KLF7: variants seen among roughly 807,000 people sequenced by gnomAD.
The protein encoded by KLF7 is KLF transcription factor 7.
Under a neutral mutation model 27.3 loss-of-function variants are expected in KLF7, and 2 were observed. That is an observed-to-expected ratio of 0.07 (90% CI 0.03 to 0.23). KLF7 has a LOEUF of 0.23. Among genes scored for constraint, KLF7 ranks in the 10% least tolerant of loss-of-function variants. The pLI is 1.00. For synonymous variants in KLF7, 165 were observed against 162.4 expected (o/e 1.02, Z -0.12); for missense variants, 221 against 394.1 (o/e 0.56, Z 3.72).
chr2:207,088,161 T>C (rs1243507633), intron 3 of KLF7, among the ~76,000 whole-genome samples: 1 of 152,212 alleles, frequency 6.6e-6, no homozygotes, highest in African/African-American at 2.4e-5. Flanking sequence ...CTTTTCATAT[T>C]ATACTAAAGT....
intron 1 of KLF7, among the ~76,000 whole-genome samples, chr2:207,131,241 T>C (rs1055486153): frequency 1.3e-5 from 2 of 152,216 alleles, no homozygotes; most frequent in African/African-American, 4.8e-5. Context: ...GAAAGAATGT[T>C]CACCTAAGTA....
chr2:207,144,936 C>A (rs770808487), intron 1 of KLF7, among the ~76,000 whole-genome samples: 2 of 152,150 alleles, frequency 1.3e-5, no homozygotes, highest in Non-Finnish European at 2.9e-5. Context: ...TCACACTTCC[C>A]AGAAAGGTTT....
chr2:207,162,093 A>G (rs1283017694), intron 1 of KLF7, among the ~76,000 whole-genome samples: 1 of 152,232 alleles, frequency 6.6e-6, no homozygotes, highest in Non-Finnish European at 1.5e-5. Context: ...TAAAAGTTCT[A>G]AAAGTCTTTG....
intron 1 of KLF7, among the ~76,000 whole-genome samples, chr2:207,134,870 C>T (rs780275358): frequency 3.3e-5 from 5 of 152,254 alleles, no homozygotes; most frequent in East Asian, 3.9e-4. Flanking sequence ...GTACCTACAA[C>T]GCAGAAGCAT....
intron 2 of KLF7, among the ~76,000 whole-genome samples, chr2:207,118,656 G>A (rs2077254506): frequency 1.3e-5 from 2 of 152,120 alleles, no homozygotes; most frequent in East Asian, 3.9e-4. Context: ...GACTTCTCTG[G>A]GTCTCATTTT....
chr2:207,096,667 C>CA (rs2076637338), intron 2 of KLF7, among the ~76,000 whole-genome samples: 1 of 152,142 alleles, frequency 6.6e-6, no homozygotes, highest in South Asian at 2.1e-4. Context: ...ACCCCACCCC[C>CA]AAACTTAATA....
intron 1 of KLF7, among the ~76,000 whole-genome samples, chr2:207,159,627 C>T (rs949809232): frequency 2.6e-5 from 4 of 152,132 alleles, no homozygotes; most frequent in African/African-American, 7.2e-5. Context: ...ATTTTCTATA[C>T]TTGAATATAA....
upstream of KLF7, chr2:207,166,978 AC>A (rs1200250336): frequency 1.4e-6 from 1 of 737,122 alleles, no homozygotes; most frequent in East Asian, 4.6e-5. Context: ...CCTCCTTCTG[AC>A]CCCGAGCGAG....
chr2:207,120,422 T>C (rs2077306734), intron 2 of KLF7, among the ~76,000 whole-genome samples: 1 of 152,254 alleles, frequency 6.6e-6, no homozygotes, highest in Non-Finnish European at 1.5e-5. Flanking sequence ...CATTTTATTT[T>C]ACTTCATTTC....
At chr2:207,158,014 C>T (rs2106130167) in intron 1 of KLF7, among the ~76,000 whole-genome samples, 1 of 141,772 alleles carries the variant, frequency 7.1e-6, no homozygotes, top group East Asian at 2.0e-4. Context: ...TTGCTTATTT[C>T]TGGTTAGAAA....
chr2:207,147,246 C>CA (rs1559160729), intron 1 of KLF7, among the ~76,000 whole-genome samples: 1 of 152,076 alleles, frequency 6.6e-6, no homozygotes, highest in South Asian at 2.1e-4. Flanking sequence ...AATAAAATTT[C>CA]AAAAAACAGA....
chr2:207,081,465 C>T (rs905908396), intron 3 of KLF7, among the ~76,000 whole-genome samples: 3 of 152,132 alleles, frequency 2.0e-5, no homozygotes, highest in Admixed American at 6.5e-5. Context: ...CTGTGTGACT[C>T]GGAGCACATT....
At chr2:207,092,638 C>T (rs2076538239) in intron 2 of KLF7, among the ~76,000 whole-genome samples, 1 of 152,168 alleles carries the variant, frequency 6.6e-6, no homozygotes, top group African/African-American at 2.4e-5. Context: ...CAAAATTCAT[C>T]TGAAATGAAA....
intron 2 of KLF7, among the ~76,000 whole-genome samples, chr2:207,092,165 C>T (rs371218534): frequency 2.6e-5 from 4 of 152,196 alleles, no homozygotes; most frequent in African/African-American, 9.7e-5. Flanking sequence ...TATGCTGTAT[C>T]GCACTTGGAA....
chr2:207,166,934 C>A, upstream of KLF7: 1 of 941,456 alleles, frequency 1.1e-6, no homozygotes. Flanking sequence ...CGCCCCGCCC[C>A]GCGGGCGCCG....
chr2:207,080,831 C>T lies in KLF7; in HGVS notation c.*382G>A, dbSNP rs1223537070. On this transcript the variant is annotated 3_prime_UTR_variant, in exon 4 of 4. Transcript: ENST00000309446. ...TGAAATAAGCCCCTCGGACTGCCGT[C>T]CACCTGCACAGACGTCACATCCATT... 2.5e-6 allele frequency: 1 copy of T among 405,728 alleles called. No individual in the cohort carries two copies. The highest frequency in any genetic ancestry group is 4.3e-6 in the Non-Finnish European group (1 of 230,062). 25.1% of individuals were successfully genotyped at this position (405,728 alleles called of 1,614,324 possible). A position where few individuals can be genotyped will look rare whatever the true frequency, so the allele number is the denominator to read the frequency against.
chr2:207,152,727 T>C (rs2078279470), intron 1 of KLF7, among the ~76,000 whole-genome samples: 1 of 152,042 alleles, frequency 6.6e-6, no homozygotes, highest in Non-Finnish European at 1.5e-5. Flanking sequence ...ATGAAAATGG[T>C]TCTGGGTGAG....
rs2076259283 is a variant in KLF7 at position 207,081,061 on chromosome 2, A to ATGTGTGTGTATATGTG, written c.*151_*152insCACATATACACACACA. The ATGTGTGTGTATATGTG allele has an allele frequency of 1.7e-6, 1 of 600,622 alleles. No individual in the cohort carries two copies. The highest frequency in any genetic ancestry group is 2.4e-5 in the Admixed American group (1 of 41,212). The allele number at this position is 600,622 out of a possible 1,614,324, so 37.2% of individuals were successfully genotyped here. Reference sequence around the variant, plus strand: ...TGTGTGGGTCTGTGAGTGTGTGTATATGTGTGTGTGTGTGTGTGTGTGTAC... The same window carrying ATGTGTGTGTATATGTG: ...TGTGTGGGTCTGTGAGTGTGTGTATATGTGTGTGTATATGTGTGTGTGTGTGTGTGTGTGTGTGTAC... On this transcript the variant is annotated 3_prime_UTR_variant, in exon 4 of 4. Coordinates refer to ENST00000309446, the MANE Select transcript of KLF7 (RefSeq NM_003709.4).
chr2:207,119,024 G>T (rs867381942), intron 2 of KLF7, among the ~76,000 whole-genome samples: 7 of 152,190 alleles, frequency 4.6e-5, no homozygotes, highest in South Asian at 2.1e-4. Flanking sequence ...TAAGCAAATT[G>T]CACACTTGTA....
Sources: gnomAD v4.1 joint callset for allele counts (sites outside exome capture counted in the v4.1 genomes callset) on GRCh38, gnomAD v4.1.1 for gene constraint, MANE v1.5 for transcripts, NCBI Gene and HGNC (gene_info 2026-07-23, HGNC 2026-07-21) for gene names.